Variants in SEMA3A observed in about 807,000 individuals in gnomAD.
The protein encoded by SEMA3A is semaphorin 3A.
A neutral mutation model predicts 97.9 loss-of-function variants in SEMA3A; 29 were observed. The ratio of observed to expected loss-of-function variants is 0.30; its 90% CI spans 0.22 to 0.40. SEMA3A has a LOEUF of 0.40. Ranked by LOEUF, SEMA3A falls within the 10% of genes least tolerant of loss-of-function variation. The pLI is 1.00. For missense variants in SEMA3A, 763 were observed against 951.3 expected (o/e 0.80, Z 2.60); for synonymous variants, 321 against 323.7 (o/e 0.99, Z 0.09).
intron 1 of SEMA3A, among the ~76,000 whole-genome samples, chr7:84,408,882 C>A (rs559270922): frequency 6.6e-6 from 1 of 151,040 alleles, no homozygotes; most frequent in Non-Finnish European, 1.5e-5. Context: ...CATCACACAC[C>A]GGGGACTGTT....
chr7:84,486,411 C>CA (rs989363832), intron 1 of SEMA3A, among the ~76,000 whole-genome samples: 8 of 152,042 alleles, frequency 5.3e-5, no homozygotes, highest in South Asian at 2.1e-4. Context: ...AAAACAAATA[C>CA]AAAAAAACAA....
rs1474883242 is a variant in SEMA3A, at chr7:84,468,598, A to T, written c.-246+23862T>A. On this transcript the variant is annotated intron_variant, in intron 1 of 3. Transcript: ENST00000424555. ...ATGGTTTTTGATATCTGTAACTTTT[A>T]CCACGAGTCCTCTTTAGAGCTAATG... Among the ~76,000 whole-genome samples, 13 of 152,270 alleles carry T rather than the reference A, an allele frequency of 8.5e-5. No homozygotes were observed. The East Asian group carries it at 2.5e-3, about 29-fold the overall frequency.
intron 5 of SEMA3A, among the ~76,000 whole-genome samples, chr7:84,053,965 C>G (rs982296821): frequency 1.3e-5 from 2 of 150,128 alleles, no homozygotes; most frequent in Non-Finnish European, 3.0e-5. Flanking sequence ...TTCTCCTTCA[C>G]TTATGAAGCT....
At chr7:83,988,702 TTATTAAA>T (rs1386047279) in intron 12 of SEMA3A, among the ~76,000 whole-genome samples, 3 of 151,988 alleles carry the variant, frequency 2.0e-5, no homozygotes, top group African/African-American at 4.8e-5. Context: ...ATTATATTAG[TTATTAAA>T]TATAATAATT....
At chr7:84,050,670 T>A (rs1246608301) in intron 5 of SEMA3A, among the ~76,000 whole-genome samples, 1 of 152,186 alleles carries the variant, frequency 6.6e-6, no homozygotes, top group African/African-American at 2.4e-5. Flanking sequence ...GCCTGTTCAC[T>A]CTGATGGTAG....
intron 2 of SEMA3A, among the ~76,000 whole-genome samples, chr7:84,312,568 A>G (rs1562897932): frequency 6.6e-6 from 1 of 151,466 alleles, no homozygotes; most frequent in African/African-American, 2.4e-5. Flanking sequence ...TTTATAATAT[A>G]TACACATTAT....
intron 3 of SEMA3A, among the ~76,000 whole-genome samples, chr7:84,118,162 C>T (rs140219314): frequency 6.6e-6 from 1 of 152,268 alleles, no homozygotes; most frequent in African/African-American, 2.4e-5. Context: ...TTGAGTATTA[C>T]TCTGTGCCCA....
intron 3 of SEMA3A, among the ~76,000 whole-genome samples, chr7:84,290,636 T>G (rs1800717504): frequency 6.6e-6 from 1 of 152,106 alleles, no homozygotes; most frequent in Non-Finnish European, 1.5e-5. Context: ...GCAGTTCTCT[T>G]CTGAAGTAAG....
chr7:84,016,780 T>G (rs1355310709), intron 6 of SEMA3A, among the ~76,000 whole-genome samples: 3 of 152,166 alleles, frequency 2.0e-5, no homozygotes, highest in African/African-American at 7.2e-5. Context: ...TTGTAAAATG[T>G]TAACAAATAT....
At chr7:84,072,815 A>C (rs1303443504) in intron 4 of SEMA3A, among the ~76,000 whole-genome samples, 1 of 152,158 alleles carries the variant, frequency 6.6e-6, no homozygotes, top group African/African-American at 2.4e-5. Flanking sequence ...TTTAAGTGTT[A>C]ACATTGCCTT....
intron 2 of SEMA3A, among the ~76,000 whole-genome samples, chr7:84,312,865 T>G (rs1801362174): frequency 8.5e-6 from 1 of 118,040 alleles, no homozygotes; most frequent in Non-Finnish European, 1.7e-5. Flanking sequence ...GATATTTTGG[T>G]GTTGTTTTAT....
intron 6 of SEMA3A, among the ~76,000 whole-genome samples, chr7:84,030,115 C>T (rs1791688989): frequency 6.6e-6 from 1 of 152,060 alleles, no homozygotes; most frequent in African/African-American, 2.4e-5. Flanking sequence ...TTAAAAATAA[C>T]TTTTGAACTT....
chr7:84,016,060 T>C (rs533244933), intron 6 of SEMA3A, among the ~76,000 whole-genome samples: 21 of 151,914 alleles, frequency 1.4e-4, no homozygotes, highest in South Asian at 2.1e-4. Flanking sequence ...TTCACATTCA[T>C]ATATATATAT....
At chr7:84,338,875 G>T (rs112182629) in intron 2 of SEMA3A, among the ~76,000 whole-genome samples, 2 of 152,254 alleles carry the variant, frequency 1.3e-5, no homozygotes, top group African/African-American at 4.8e-5. Context: ...TTTAATCACC[G>T]ATGGGAACAA....
At chr7:84,246,201 G>A (rs190077908) in intron 3 of SEMA3A, among the ~76,000 whole-genome samples, 205 of 152,264 alleles carry the variant, frequency 1.3e-3, no homozygotes, top group Non-Finnish European at 2.4e-3. Context: ...GGTCTTGCTG[G>A]GAGCTGCTGA....
chr7:84,129,007 AT>A, intron 3 of SEMA3A, 115 bp downstream of exon 3: 1 of 739,446 alleles, frequency 1.4e-6, no homozygotes, highest in Non-Finnish European at 2.3e-6. Context: ...ATATGAAAAG[AT>A]TCTAACCCCT....
chr7:84,028,971 T>C lies in SEMA3A; in HGVS notation c.668-14620A>G, dbSNP rs906758253. ...TTCTGTCACATTTCAACTTTGCATT[T>C]CTATATTATTGATTGACTGATTCCC... On this transcript the variant is annotated intron_variant, in intron 6 of 16. Transcript: ENST00000265362. 2.6e-5 allele frequency among the ~76,000 whole-genome samples: 4 copies of C among 152,150 alleles called. No individual in the cohort carries two copies. The South Asian group carries it at 6.2e-4, about 24-fold the overall frequency.
At chr7:84,043,592 A>C (rs1792228229) in intron 6 of SEMA3A, among the ~76,000 whole-genome samples, 1 of 151,946 alleles carries the variant, frequency 6.6e-6, no homozygotes, top group Non-Finnish European at 1.5e-5. Context: ...ATGCCTCAAA[A>C]CTCATTTATT....
chr7:84,150,997 CA>C (rs1341052103), intron 1 of SEMA3A, among the ~76,000 whole-genome samples: 1 of 148,042 alleles, frequency 6.8e-6, no homozygotes, highest in Non-Finnish European at 1.5e-5. Context: ...CCTCACACTG[CA>C]GGGTACTCCA....
Sources: allele counts gnomAD v4.1 joint callset (sites outside exome capture counted in the v4.1 genomes callset), GRCh38; gene constraint gnomAD v4.1.1; transcripts MANE v1.5; gene names NCBI Gene and HGNC (gene_info 2026-07-23, HGNC 2026-07-21).